Variants in DPP10 observed in about 807,000 individuals in gnomAD.
DPP10 encodes dipeptidyl peptidase like 10.
In DPP10, 33 loss-of-function variants were observed where a neutral mutation model predicts 120.9. The observed-to-expected ratio is 0.27, with a 90% CI of 0.21 to 0.37. The LOEUF is 0.37. Ranked by LOEUF, DPP10 falls within the 10% of genes least tolerant of loss-of-function variation. The pLI, the probability that DPP10 is intolerant of heterozygous loss-of-function variation, is 1.00. For synonymous variants in DPP10, 337 were observed against 326.1 expected (o/e 1.03, Z -0.36); for missense variants, 816 against 942.8 (o/e 0.87, Z 1.76).
At chr2:114,616,443 C>T (rs962350297) in intron 1 of DPP10, among the ~76,000 whole-genome samples, 1 of 152,024 alleles carries the variant, frequency 6.6e-6, no homozygotes, top group South Asian at 2.1e-4. Flanking sequence ...AGCTTTGCTC[C>T]TTGGCTTATG....
chr2:114,757,136 AAGGGAGAGAGGGGTGGGG>A (rs1193083157), intron 1 of DPP10, among the ~76,000 whole-genome samples: 1 of 144,122 alleles, frequency 6.9e-6, no homozygotes, highest in African/African-American at 2.5e-5. Context: ...GGAAAAAAGG[AAGGGAGAGAGGGGTGGGG>A]AGGGAGAGAG....
chr2:115,158,325 A>G (rs55998437), intron 1 of DPP10, among the ~76,000 whole-genome samples: 19,277 of 152,206 alleles, frequency 0.13, 1,412 homozygotes, highest in African/African-American at 0.17. Flanking sequence ...AGGTAAAGAG[A>G]GATGTACTGC....
chr2:115,701,004 G>A (rs1288238883), intron 7 of DPP10, among the ~76,000 whole-genome samples: 1 of 152,084 alleles, frequency 6.6e-6, no homozygotes, highest in Non-Finnish European at 1.5e-5. Context: ...TTGTTATGAT[G>A]TCAATATGCC....
At chr2:114,724,022 G>T (rs1447335417) in intron 1 of DPP10, among the ~76,000 whole-genome samples, 1 of 152,126 alleles carries the variant, frequency 6.6e-6, no homozygotes, top group Non-Finnish European at 1.5e-5. Flanking sequence ...ACGAGGAAAA[G>T]AAAATATATT....
At chr2:115,494,105 C>T (rs544750935) in intron 3 of DPP10, among the ~76,000 whole-genome samples, 11 of 152,066 alleles carry the variant, frequency 7.2e-5, no homozygotes, top group South Asian at 2.1e-4. Flanking sequence ...TGCACCACCA[C>T]GGCTAATTTT....
At chr2:115,260,318 G>A (rs1028010058) in intron 1 of DPP10, among the ~76,000 whole-genome samples, 1 of 152,058 alleles carries the variant, frequency 6.6e-6, no homozygotes, top group Admixed American at 6.6e-5. Context: ...CATTCCGTTG[G>A]TAATAATTTG....
chr2:114,497,790 A>C (rs1682809416), intron 1 of DPP10, among the ~76,000 whole-genome samples: 2 of 152,198 alleles, frequency 1.3e-5, no homozygotes, highest in Admixed American at 6.5e-5. Context: ...CATCCCCTTC[A>C]ATGGAAAATA....
At chr2:115,621,959 T>C (rs1035713107) in intron 5 of DPP10, among the ~76,000 whole-genome samples, 1 of 152,230 alleles carries the variant, frequency 6.6e-6, no homozygotes, top group African/African-American at 2.4e-5. Flanking sequence ...ATTACAGGCA[T>C]GAGCCACCAC....
At chr2:115,701,090 A>T (rs933944461) in intron 7 of DPP10, among the ~76,000 whole-genome samples, 2 of 152,100 alleles carry the variant, frequency 1.3e-5, no homozygotes, top group Non-Finnish European at 2.9e-5. Context: ...AGAAAAGCCT[A>T]TCCTAGAATT....
At chr2:115,767,118 C>T (rs1014036839) in intron 12 of DPP10, among the ~76,000 whole-genome samples, 18 of 152,036 alleles carry the variant, frequency 1.2e-4, no homozygotes, top group African/African-American at 4.3e-4. Flanking sequence ...TAAGGAAACA[C>T]CTTATTGATA....
chr2:115,015,095 A>T (rs1702539069), intron 1 of DPP10, among the ~76,000 whole-genome samples: 2 of 152,168 alleles, frequency 1.3e-5, no homozygotes, highest in Non-Finnish European at 2.9e-5. Context: ...CGATGCGAAA[A>T]TCCTTAATAA....
intron 5 of DPP10, among the ~76,000 whole-genome samples, chr2:115,559,592 C>G (rs2080439028): frequency 6.6e-6 from 1 of 151,970 alleles, no homozygotes; most frequent in South Asian, 2.1e-4. Context: ...TAGAATAGAA[C>G]ATTAGACTTC....
At chr2:114,626,167 C>G (rs1430368940) in intron 1 of DPP10, among the ~76,000 whole-genome samples, 2 of 151,524 alleles carry the variant, frequency 1.3e-5, no homozygotes, top group East Asian at 3.9e-4. Context: ...TTGCCTTAAT[C>G]CACACTACAT....
At chr2:115,630,112 G>A (rs561270397) in intron 5 of DPP10, among the ~76,000 whole-genome samples, 21 of 152,088 alleles carry the variant, frequency 1.4e-4, no homozygotes, top group Admixed American at 2.6e-4. Context: ...CCTTGAAGAG[G>A]TCCTTCACCT....
intron 5 of DPP10, 25 bp downstream of exon 5, chr2:115,525,997 A>G (rs76792838): frequency 6.3e-7 from 1 of 1,577,118 alleles, no homozygotes; most frequent in Non-Finnish European, 8.6e-7. Flanking sequence ...TTCTTTGAGA[A>G]TACTTTTCTT....
At chr2:115,330,736 G>C (rs1438209018) in intron 2 of DPP10, among the ~76,000 whole-genome samples, 2 of 152,142 alleles carry the variant, frequency 1.3e-5, no homozygotes, top group Admixed American at 6.6e-5. Flanking sequence ...TCAAAGATCA[G>C]ATAGTTGTAG....
chr2:115,111,387 AG>A (rs1377616868), intron 1 of DPP10, among the ~76,000 whole-genome samples: 3 of 152,074 alleles, frequency 2.0e-5, no homozygotes, highest in Admixed American at 1.3e-4. Flanking sequence ...GTGGGGGATA[AG>A]GGGAGACAAA....
chr2:115,624,786 G>A (rs753342147), intron 5 of DPP10, among the ~76,000 whole-genome samples: 3 of 152,116 alleles, frequency 2.0e-5, no homozygotes, highest in Non-Finnish European at 2.9e-5. Flanking sequence ...AATACTAATA[G>A]TGCCCTGAAG....
chr2:115,711,922 T>TG (rs1240040213), intron 7 of DPP10, among the ~76,000 whole-genome samples: 7 of 148,190 alleles, frequency 4.7e-5, no homozygotes, highest in African/African-American at 1.8e-4. Context: ...TCTGGTTTTT[T>TG]TTTTTTTTTT....
Sources: allele counts gnomAD v4.1 joint callset (sites outside exome capture counted in the v4.1 genomes callset), GRCh38; gene constraint gnomAD v4.1.1; transcripts MANE v1.5; gene names NCBI Gene and HGNC (gene_info 2026-07-23, HGNC 2026-07-21).